Variants in CNTN1 observed in about 807,000 individuals in gnomAD.
CNTN1 encodes contactin 1.
In CNTN1, 38 loss-of-function variants were observed where a neutral mutation model predicts 126.4. The ratio of observed to expected loss-of-function variants is 0.30; its 90% CI spans 0.23 to 0.39. The LOEUF (loss-of-function observed/expected upper bound fraction) is 0.39, where lower values mean the gene tolerates loss of function less well. CNTN1 is among the 10% of genes least tolerant of loss of function. CNTN1 has a pLI of 1.00. For missense variants in CNTN1, 1,009 were observed against 1,248.4 expected (o/e 0.81, Z 2.89); for synonymous variants, 413 against 422.6 (o/e 0.98, Z 0.28).
chr12:40,711,101 C>A (rs573067419), intron 1 of CNTN1, among the ~76,000 whole-genome samples: 1 of 152,076 alleles, frequency 6.6e-6, no homozygotes, highest in African/African-American at 2.4e-5. Flanking sequence ...AGAGAGGAAT[C>A]TCTTCTCTTT....
rs139499650 is a variant in CNTN1 at position 40,979,568 on chromosome 12, G to A, written c.1805-1341G>A. 8.6e-3 allele frequency among the ~76,000 whole-genome samples: 1,304 copies of A among 151,974 alleles called. 10 individuals carry two copies. Among genetic ancestry groups the A allele is most frequent in the Non-Finnish European group, 0.014 (964 of 67,972 alleles). On this transcript the variant is annotated intron_variant, in intron 15 of 23. Coordinates refer to ENST00000551295, the MANE Select transcript of CNTN1 (RefSeq NM_001843.4). ...ATTAAATATGCCTAAATCAATTGGG[G>A]GTGGACTCCTTTCTGGTGCAAATAG...
At chr12:40,980,258 C>T (rs1947784655) in intron 15 of CNTN1, among the ~76,000 whole-genome samples, 1 of 151,902 alleles carries the variant, frequency 6.6e-6, no homozygotes, top group African/African-American at 2.4e-5. Context: ...CACGGTGAAA[C>T]CCAGTCTCTG....
At chr12:40,722,545 C>A (rs1452957597) in intron 1 of CNTN1, among the ~76,000 whole-genome samples, 1 of 152,138 alleles carries the variant, frequency 6.6e-6, no homozygotes, top group African/African-American at 2.4e-5. Context: ...AAACTCCACT[C>A]TCAAACAGAG....
intron 23 of CNTN1, among the ~76,000 whole-genome samples, chr12:41,045,121 G>A (rs753249983): frequency 2.6e-5 from 4 of 151,952 alleles, no homozygotes; most frequent in African/African-American, 7.2e-5. Flanking sequence ...TTACACTCAA[G>A]TGGATTGAAA....
chr12:40,969,507 T>A (rs926054866), intron 15 of CNTN1, among the ~76,000 whole-genome samples: 2 of 152,196 alleles, frequency 1.3e-5, no homozygotes, highest in African/African-American at 4.8e-5. Context: ...GTTCTAAATC[T>A]TTTCTCTGCC....
chr12:41,012,846 G>A (rs1429017229), intron 17 of CNTN1, among the ~76,000 whole-genome samples: 9 of 152,240 alleles, frequency 5.9e-5, no homozygotes, highest in Non-Finnish European at 1.0e-4. Flanking sequence ...AATGTTGTAC[G>A]CTGGTATCAT....
chr12:40,922,418 G>A lies in CNTN1; in HGVS notation c.390G>A (p.Leu130=). 6.2e-7 allele frequency: 1 copy of A among 1,613,932 alleles called. No individual in the cohort carries two copies. The highest frequency in any genetic ancestry group is 1.1e-5 in the South Asian group (1 of 91,074). Residue 130 remains leucine, a synonymous_variant, in exon 5 of 24, where the codon CTG becomes CTA. Transcript: ENST00000551295. ...YGMVRSTEAT[L]SFGYLDPFPP... is the part of the protein sequence containing the mutation. Reference sequence around the variant, plus strand: ...TGGTCAGAAGCACTGAAGCAACCCTGAGCTTTGGATGTAAGTAAACTGTAA... The same window carrying A: ...TGGTCAGAAGCACTGAAGCAACCCTAAGCTTTGGATGTAAGTAAACTGTAA...
chr12:40,952,354 A>G (rs2136983851), intron 14 of CNTN1, among the ~76,000 whole-genome samples: 1 of 152,260 alleles, frequency 6.6e-6, no homozygotes, highest in African/African-American at 2.4e-5. Flanking sequence ...GGGCTATGAA[A>G]TTATAAATAT....
intron 9 of CNTN1, among the ~76,000 whole-genome samples, chr12:40,935,087 G>A (rs182783026): frequency 5.9e-5 from 9 of 152,004 alleles, no homozygotes; most frequent in African/African-American, 9.6e-5. Flanking sequence ...GATCCCACTC[G>A]TGATCATGGC....
chr12:40,929,807 T>C lies in CNTN1; in HGVS notation c.508T>C (p.Tyr170His), dbSNP rs1945820306. Residue 170 changes from tyrosine (Y) to histidine (H), a missense_variant, in exon 7 of 24, where the codon TAT becomes CAT. Transcript: ENST00000551295. Reference sequence around the variant, plus strand: ...ATATTTTCTCCTAGATGATCTTAGCTATCGCTGGCTTCTAAATGAATTTCC... The same window carrying C: ...ATATTTTCTCCTAGATGATCTTAGCCATCGCTGGCTTCTAAATGAATTTCC... ...PPYHFPDDLS[Y>H]RWLLNEFPVF... is the part of the protein sequence containing the mutation. 1 of 1,611,530 alleles carries C rather than the reference T, an allele frequency of 6.2e-7. No homozygotes were observed. Among genetic ancestry groups the C allele is most frequent in the Non-Finnish European group, 8.5e-7 (1 of 1,178,262 alleles).
At chr12:40,904,253 C>T (rs778765359) in intron 1 of CNTN1, among the ~76,000 whole-genome samples, 18 of 151,932 alleles carry the variant, frequency 1.2e-4, no homozygotes, top group East Asian at 3.9e-4. Context: ...CTCCTGACCT[C>T]GTGATCCGTC....
At chr12:40,951,380 A>T (rs1381531444) in intron 14 of CNTN1, among the ~76,000 whole-genome samples, 3 of 152,072 alleles carry the variant, frequency 2.0e-5, no homozygotes, top group Non-Finnish European at 2.9e-5. Flanking sequence ...TGCCTTATTT[A>T]TTTTTTTGTA....
intron 17 of CNTN1, among the ~76,000 whole-genome samples, chr12:41,010,979 C>T (rs1044419238): frequency 1.3e-5 from 2 of 152,056 alleles, no homozygotes; most frequent in Non-Finnish European, 2.9e-5. Flanking sequence ...ACATGTTGTT[C>T]ATCGCCAGAA....
intron 1 of CNTN1, among the ~76,000 whole-genome samples, chr12:40,881,201 C>G (rs765524309): frequency 3.1e-4 from 47 of 151,822 alleles, no homozygotes; most frequent in Non-Finnish European, 6.3e-4. Flanking sequence ...TAAACCCACC[C>G]AAATATTTAC....
At chr12:41,042,281 C>T (rs1329453580) in intron 23 of CNTN1, among the ~76,000 whole-genome samples, 5 of 151,922 alleles carry the variant, frequency 3.3e-5, no homozygotes, top group Non-Finnish European at 7.4e-5. Flanking sequence ...GTCTGAGAGA[C>T]AGTTTGTTAT....
At chr12:40,973,909 C>G (rs1025309044) in intron 15 of CNTN1, among the ~76,000 whole-genome samples, 1 of 151,920 alleles carries the variant, frequency 6.6e-6, no homozygotes, top group Admixed American at 6.6e-5. Context: ...TTTGATTTAT[C>G]AAAAAAATGA....
chr12:41,020,080 G>A (rs74076939), intron 19 of CNTN1, among the ~76,000 whole-genome samples: 2 of 152,022 alleles, frequency 1.3e-5, no homozygotes, highest in Admixed American at 6.6e-5. Context: ...ATGTGTATGT[G>A]TATATGTCTA....
intron 1 of CNTN1, among the ~76,000 whole-genome samples, chr12:40,770,922 A>C (rs1487229947): frequency 2.0e-5 from 3 of 152,148 alleles, no homozygotes; most frequent in Non-Finnish European, 4.4e-5. Flanking sequence ...GGGCGGGTGC[A>C]TTATGAAACT....
At chr12:40,824,078 C>A (rs1342160085) in intron 1 of CNTN1, among the ~76,000 whole-genome samples, 1 of 152,088 alleles carries the variant, frequency 6.6e-6, no homozygotes, top group Admixed American at 6.6e-5. Flanking sequence ...GGCCATATTA[C>A]TCTCTTGGTG....
Sources: allele counts gnomAD v4.1 joint callset (sites outside exome capture counted in the v4.1 genomes callset), GRCh38; gene constraint gnomAD v4.1.1; transcripts MANE v1.5; gene names NCBI Gene and HGNC (gene_info 2026-07-23, HGNC 2026-07-21).